Variants in ADAMTS12 observed in about 807,000 individuals in gnomAD.
ADAMTS12 encodes the protein ADAM metallopeptidase with thrombospondin type 1 motif 12.
ADAMTS12 carries 118 observed loss-of-function variants against 167.8 expected under a neutral mutation model. That is an observed-to-expected ratio of 0.70 (90% CI 0.61 to 0.82). ADAMTS12 has a LOEUF of 0.82. ADAMTS12 is among the 40% of genes least tolerant of loss of function. The probability of loss-of-function intolerance (pLI) is 0.00; values close to 1 mark genes in which losing one functional copy is unlikely to be tolerated. For synonymous variants in ADAMTS12, 704 were observed against 716.9 expected, an observed-to-expected ratio of 0.98 and a Z score of 0.29; for missense variants, 1,916 against 1,998.8, an observed-to-expected ratio of 0.96 and a Z score of 0.79.
At chr5:33,764,106 T>C (rs1480398017) in intron 2 of ADAMTS12, among the ~76,000 whole-genome samples, 1 of 152,236 alleles carries the variant, frequency 6.6e-6, no homozygotes, top group Non-Finnish European at 1.5e-5. Flanking sequence ...GCAAGGGCTC[T>C]GTTTTCAGCT....
At chr5:33,601,106 A>AGAGTGTGT (rs772822991) in intron 16 of ADAMTS12, among the ~76,000 whole-genome samples, 1 of 145,820 alleles carries the variant, frequency 6.9e-6, no homozygotes, top group Admixed American at 6.9e-5. Context: ...CACATTTAAG[A>AGAGTGTGT]GTGTGTGTGT....
At chr5:33,681,719 C>T (rs909351403) in intron 5 of ADAMTS12, among the ~76,000 whole-genome samples, 6 of 152,228 alleles carry the variant, frequency 3.9e-5, no homozygotes, top group South Asian at 2.1e-4. Flanking sequence ...AGCATTTACA[C>T]GGGGCATAAG....
chr5:33,629,158 T>A (rs1380821724), intron 13 of ADAMTS12, among the ~76,000 whole-genome samples: 1 of 152,060 alleles, frequency 6.6e-6, no homozygotes, highest in African/African-American at 2.4e-5. Flanking sequence ...CACTGAGGAG[T>A]GAATGTGATG....
intron 23 of ADAMTS12, among the ~76,000 whole-genome samples, chr5:33,532,383 T>G (rs1744148319): frequency 1.3e-5 from 2 of 152,136 alleles, no homozygotes; most frequent in African/African-American, 4.8e-5. Context: ...ATGAATGAGA[T>G]CCTATTCATC....
intron 2 of ADAMTS12, among the ~76,000 whole-genome samples, chr5:33,755,209 T>C (rs1444551049): frequency 6.6e-6 from 1 of 152,220 alleles, no homozygotes; most frequent in African/African-American, 2.4e-5. Context: ...TACTAGTTCA[T>C]TTCAAGAGTT....
chr5:33,736,850 A>G (rs142223873), intron 3 of ADAMTS12, among the ~76,000 whole-genome samples: 13 of 152,314 alleles, frequency 8.5e-5, no homozygotes, highest in African/African-American at 3.1e-4. Context: ...GTTCTGCAAA[A>G]TGGATAAATC....
At position 33,891,376 on chromosome 5, in the gene ADAMTS12, A is replaced by T. The variant is rs185480746; in HGVS notation, c.127+354T>A. ...TAGCCAGTTAGCACTTAAAAAAAAA[A>T]TTTTCCATGTTTAGAGTCTGAAAAA... On this transcript the variant is annotated intron_variant, in intron 1 of 23. Transcript: ENST00000504830. 3.5e-3 allele frequency: 686 copies of T among 193,782 alleles called. 5 individuals carry two copies. Among genetic ancestry groups the T allele is most frequent in the African/African-American group, 0.015 (632 of 43,112 alleles). 12.0% of individuals were successfully genotyped at this position (193,782 alleles called of 1,614,324 possible).
At chr5:33,617,216 CT>C (rs71600917) in intron 14 of ADAMTS12, among the ~76,000 whole-genome samples, 2,560 of 144,410 alleles carry the variant, frequency 0.018, 44 homozygotes, top group African/African-American at 0.049. Flanking sequence ...GTTCTTTCAA[CT>C]TTTTTTTTTT....
intron 2 of ADAMTS12, among the ~76,000 whole-genome samples, chr5:33,823,647 T>A (rs1262145905): frequency 8.6e-6 from 1 of 116,680 alleles, no homozygotes; most frequent in African/African-American, 3.3e-5. Flanking sequence ...CTATAACATT[T>A]TCTGCCTTTT....
intron 23 of ADAMTS12, among the ~76,000 whole-genome samples, chr5:33,530,540 C>T (rs931837201): frequency 3.9e-5 from 6 of 152,192 alleles, no homozygotes; most frequent in Admixed American, 1.3e-4. Context: ...ACAGGTGGGG[C>T]GGCTCTTTGC....
chr5:33,816,411 A>G (rs1341052374), intron 2 of ADAMTS12, among the ~76,000 whole-genome samples: 2 of 152,144 alleles, frequency 1.3e-5, no homozygotes, highest in African/African-American at 2.4e-5. Context: ...ATAATTCAAA[A>G]CAAGAAAAAA....
chr5:33,631,627 A>G (rs1024952557), intron 12 of ADAMTS12, among the ~76,000 whole-genome samples: 19 of 152,312 alleles, frequency 1.2e-4, no homozygotes, highest in Non-Finnish European at 1.9e-4. Context: ...ACATAATAAA[A>G]TGCATACCCA....
chr5:33,699,500 A>C (rs1441208163), intron 3 of ADAMTS12, among the ~76,000 whole-genome samples: 1 of 152,130 alleles, frequency 6.6e-6, no homozygotes, highest in East Asian at 1.9e-4. Flanking sequence ...GTTTGGGATG[A>C]AGGACTAGGC....
In ADAMTS12 at chr5:33,638,988, C is replaced by T. The variant is rs368384448; in HGVS notation, c.1719-1242G>A. On this transcript the variant is annotated intron_variant, in intron 11 of 23. Transcript: ENST00000504830. ...TGCAGTATCTGAATCAGGGAGTGTG[C>T]CTCCTATCGCAGGAGTGCCAATAGC... Among the ~76,000 whole-genome samples, 7 of 152,238 alleles carry T rather than the reference C, an allele frequency of 4.6e-5. No homozygotes were observed. The South Asian group carries it at 1.5e-3, about 32-fold the overall frequency.
At chr5:33,534,707 G>T (rs1271115154) in intron 23 of ADAMTS12, 126 bp downstream of exon 23, 7 of 1,290,182 alleles carry the variant, frequency 5.4e-6, no homozygotes, top group Admixed American at 5.3e-5. Context: ...AGGGTTACTG[G>T]TTGACCTCTT....
intron 2 of ADAMTS12, among the ~76,000 whole-genome samples, chr5:33,801,277 C>T (rs1746997790): frequency 6.6e-6 from 1 of 152,178 alleles, no homozygotes; most frequent in African/African-American, 2.4e-5. Context: ...CTGTAGGAAA[C>T]TGATACAGGT....
intron 2 of ADAMTS12, among the ~76,000 whole-genome samples, chr5:33,827,040 C>G (rs1365909490): frequency 1.3e-5 from 2 of 151,440 alleles, no homozygotes; most frequent in Non-Finnish European, 2.9e-5. Flanking sequence ...AGTTCATCCA[C>G]AAAAATTAAT....
In ADAMTS12 at chr5:33,534,956, T is replaced by A; in HGVS notation, c.4483A>T (p.Thr1495Ser). 6.2e-7 allele frequency: 1 copy of A among 1,611,158 alleles called. No homozygotes were observed. The highest frequency in any genetic ancestry group is 8.5e-7 in the Non-Finnish European group (1 of 1,179,346). ...CCCTCTGAGGGCACACATTGGACAGTCCTCTTCTGAAAGCCACCTCCACAG... is the reference window on the plus strand; with the variant it reads ...CCCTCTGAGGGCACACATTGGACAGACCTCTTCTGAAAGCCACCTCCACAG... ...TSCGGGFQKRTVQCVPSEGNK... is the reference protein window; with the variant it reads ...TSCGGGFQKRSVQCVPSEGNK... Residue 1495 changes from threonine (T) to serine (S), a missense_variant, in exon 23 of 24, where the codon ACT (threonine) becomes TCT (serine). Coordinates refer to ENST00000504830, the MANE Select transcript of ADAMTS12 (RefSeq NM_030955.4).
intron 2 of ADAMTS12, among the ~76,000 whole-genome samples, chr5:33,798,255 G>A (rs1746853362): frequency 6.6e-6 from 1 of 150,884 alleles, no homozygotes; most frequent in South Asian, 2.1e-4. Context: ...AAATACCACA[G>A]ACTGGGTGGC....
Sources: gnomAD v4.1 joint callset for allele counts (sites outside exome capture counted in the v4.1 genomes callset) on GRCh38, gnomAD v4.1.1 for gene constraint, MANE v1.5 for transcripts, NCBI Gene and HGNC (gene_info 2026-07-23, HGNC 2026-07-21) for gene names.